ABCB6: variants seen among roughly 807,000 people sequenced by gnomAD.
ABCB6 encodes ATP binding cassette subfamily B member 6 (LAN blood group).
A neutral mutation model predicts 99.4 loss-of-function variants in ABCB6; 87 were observed. The ratio of observed to expected loss-of-function variants is 0.88; its 90% CI spans 0.74 to 1.05. The LOEUF is 1.05. Ranked by LOEUF, ABCB6 falls within the 50% of genes least tolerant of loss-of-function variation. The probability of loss-of-function intolerance (pLI) is 0.00; values close to 1 mark genes in which losing one functional copy is unlikely to be tolerated. For missense variants in ABCB6, 1,050 were observed against 1,097.9 expected (o/e 0.96, Z 0.62); for synonymous variants, 482 against 447.5 (o/e 1.08, Z -0.97).
intron 13 of ABCB6, 101 bp from the exon 14 acceptor site, chr2:219,212,592 A>C: frequency 1.2e-6 from 1 of 849,662 alleles, no homozygotes; most frequent in Non-Finnish European, 1.9e-6. Flanking sequence ...GCGCGATCTC[A>C]GCTCACTAGA....
intron 14 of ABCB6, among the ~76,000 whole-genome samples, chr2:219,212,016 G>C (rs543999576): frequency 6.6e-6 from 1 of 151,918 alleles, no homozygotes; most frequent in Non-Finnish European, 1.5e-5. Context: ...GCCCACCTCA[G>C]CCTCCCAAAG....
rs1328553588 is a variant in ABCB6, at chr2:219,218,738, C to T, written c.-65G>A. On this transcript the variant is annotated 5_prime_UTR_variant, in exon 1 of 19. Transcript: ENST00000265316. ...GGACCGGAGGCCGGGACTGGTCACTCGGAGAGGGGCGCGGACATCCGGGTG... is the reference window on the plus strand; with the variant it reads ...GGACCGGAGGCCGGGACTGGTCACTTGGAGAGGGGCGCGGACATCCGGGTG... 4.0e-5 allele frequency: 58 copies of T among 1,456,232 alleles called. No individual in the cohort carries two copies. The highest frequency in any genetic ancestry group is 5.3e-5 in the Non-Finnish European group (58 of 1,101,836). The allele number at this position is 1,456,232 out of a possible 1,614,324, so 90.2% of individuals were successfully genotyped here.
In ABCB6 at chr2:219,213,032, C is replaced by CTTGCCTGG; in HGVS notation, c.1838_1839insCCAGGCAA (p.Met614GlnfsTer39). ...CCAGGGCAAGTGTCTGTCCAGGCATCACAGTGAAAGACACGTCCTGCAGAG... is the reference window on the plus strand; with the variant it reads ...CCAGGGCAAGTGTCTGTCCAGGCATCTTGCCTGGACAGTGAAAGACACGTCCTGCAGAG... On this transcript the variant is annotated frameshift_variant, in exon 13 of 19. Transcript: ENST00000265316. LOFTEE classifies it high-confidence loss of function. 1.2e-6 allele frequency: 2 copies of CTTGCCTGG among 1,614,038 alleles called. No homozygotes were observed. The highest frequency in any genetic ancestry group is 1.7e-6 in the Non-Finnish European group (2 of 1,179,976).
At position 219,213,029 on chromosome 2, in the gene ABCB6, C is replaced by T; in HGVS notation, c.1842G>A (p.Met614Ile). Residue 614 changes from methionine (M) to isoleucine (I), a missense_variant, in exon 13 of 19, where the codon ATG (methionine) becomes ATA (isoleucine). Physicochemically the swap from Met to Ile is conservative, Grantham distance 10. Transcript: ENST00000265316. ...ETLQDVSFTVMPGQTLALVGP... is the reference protein window; with the variant it reads ...ETLQDVSFTVIPGQTLALVGP... Reference sequence around the variant, plus strand: ...TCACCAGGGCAAGTGTCTGTCCAGGCATCACAGTGAAAGACACGTCCTGCA... The same window carrying T: ...TCACCAGGGCAAGTGTCTGTCCAGGTATCACAGTGAAAGACACGTCCTGCA... 1 of 1,614,028 alleles carries T rather than the reference C, an allele frequency of 6.2e-7. No individual in the cohort carries two copies.
chr2:219,212,034 A>G (rs760479018), intron 14 of ABCB6, among the ~76,000 whole-genome samples: 10 of 152,034 alleles, frequency 6.6e-5, no homozygotes, highest in Non-Finnish European at 1.3e-4. Context: ...AAGTACTGGG[A>G]TTACAGGTGT....
chr2:219,215,112 G>C lies in ABCB6; in HGVS notation c.1155-30C>G, dbSNP rs772614624. On this transcript the variant is annotated intron_variant, in intron 5 of 18. Coordinates refer to ENST00000265316, the MANE Select transcript of ABCB6 (RefSeq NM_005689.4). ...GAGGGCAGGTCAAGTGAATAAGAAA[G>C]GTCTGGGGGCTTAGACCCAGCAACC... 5 of 1,613,584 alleles carry C rather than the reference G, an allele frequency of 3.1e-6. No homozygotes were observed. The African/African-American group carries it at 5.3e-5, about 17-fold the overall frequency.
intron 14 of ABCB6, among the ~76,000 whole-genome samples, chr2:219,212,010 A>T (rs946115052): frequency 6.6e-6 from 1 of 151,380 alleles, no homozygotes; most frequent in Non-Finnish European, 1.5e-5. Context: ...TGATCCGCCC[A>T]CCTCAGCCTC....
intron 1 of ABCB6, 122 bp from the exon 2 acceptor site, chr2:219,217,929 A>T: frequency 7.0e-7 from 1 of 1,435,056 alleles, no homozygotes; most frequent in South Asian, 1.5e-5. Flanking sequence ...TTAAAAAAAA[A>T]AAAAAAAGCA....
intron 14 of ABCB6, among the ~76,000 whole-genome samples, chr2:219,211,699 G>A (rs1054505754): frequency 6.7e-6 from 1 of 149,686 alleles, no homozygotes; most frequent in African/African-American, 2.5e-5. Context: ...GGAGTGCAGT[G>A]GCATGATCAT....
chr2:219,212,803 T>C (rs1950594646), intron 13 of ABCB6, among the ~76,000 whole-genome samples: 3 of 152,228 alleles, frequency 2.0e-5, no homozygotes, highest in African/African-American at 7.2e-5. Context: ...ATTACAGGCA[T>C]GTGCCACCGC....
chr2:219,216,457 G>C lies in ABCB6; in HGVS notation c.877C>G (p.Leu293Val), dbSNP rs13018440. Residue 293 changes from leucine to valine, a missense_variant, in exon 4 of 19, where the codon CTG becomes GTG. Coordinates refer to ENST00000265316, the MANE Select transcript of ABCB6 (RefSeq NM_005689.4). The surrounding 1 kb of genome is among the most constrained non-coding windows in gnomAD (Gnocchi z 4.2). Reference sequence around the variant, plus strand: ...GAGTTCCAAGGTGCCTTCTCAGTCAGCAAGTTCACTGTGGAGGAAACGAGT... The same window carrying C: ...GAGTTCCAAGGTGCCTTCTCAGTCACCAAGTTCACTGTGGAGGAAACGAGT... Reference protein sequence around the residue: ...PIFYRNIVNLLTEKAPWNSLA... With the variant: ...PIFYRNIVNLVTEKAPWNSLA... 6.2e-7 allele frequency: 1 copy of C among 1,613,926 alleles called. No homozygotes were observed. Among genetic ancestry groups the C allele is most frequent in the Non-Finnish European group, 8.5e-7 (1 of 1,179,918 alleles).
chr2:219,210,551 G>A, intron 16 of ABCB6, 76 bp from the exon 17 acceptor site: 1 of 1,592,256 alleles, frequency 6.3e-7, no homozygotes. Context: ...GCTGGCTGAG[G>A]CCTCAAGAAT....
intron 5 of ABCB6, 91 bp downstream of exon 5, chr2:219,215,906 T>C (rs909844340): frequency 1.5e-6 from 2 of 1,348,674 alleles, no homozygotes; most frequent in African/African-American, 1.5e-5. Flanking sequence ...CGGCAGCTTC[T>C]CAGGCGGGGT....
In ABCB6 at chr2:219,218,660, C is replaced by A. The variant is rs781766683; in HGVS notation, c.14G>T (p.Gly5Val). 6.3e-7 allele frequency: 1 copy of A among 1,579,140 alleles called. No individual in the cohort carries two copies. The highest frequency in any genetic ancestry group is 8.6e-7 in the Non-Finnish European group (1 of 1,162,584). MVTV[G>V]NYCEAEGPVG... ...GGGCCCTTCGGCCTCGCAGTAGTTG[C>A]CCACAGTCACCATGGCAATGCGTGG... Residue 5 changes from glycine to valine, a missense_variant, in exon 1 of 19, where the codon GGC becomes GTC. Coordinates refer to ENST00000265316, the MANE Select transcript of ABCB6 (RefSeq NM_005689.4).
chr2:219,218,760 G>C lies in ABCB6; in HGVS notation c.-87C>G. On this transcript the variant is annotated 5_prime_UTR_variant, in exon 1 of 19. Transcript: ENST00000265316. ...ACTCGGAGAGGGGCGCGGACATCCG[G>C]GTGCCTTGGCTCACGTAGCCGCTGG... 7.1e-7 allele frequency: 1 copy of C among 1,403,280 alleles called. No homozygotes were observed. 86.9% of individuals were successfully genotyped at this position (1,403,280 alleles called of 1,614,324 possible).
chr2:219,217,890 T>G (rs1950664770), intron 1 of ABCB6, 83 bp from the exon 2 acceptor site: 2 of 1,520,964 alleles, frequency 1.3e-6, no homozygotes, highest in Non-Finnish European at 1.8e-6. Flanking sequence ...CGGGGACTGG[T>G]GTCATGAACA....
At chr2:219,210,533 G>C in intron 16 of ABCB6, 58 bp from the exon 17 acceptor site, 1 of 1,601,064 alleles carries the variant, frequency 6.2e-7, no homozygotes, top group South Asian at 1.1e-5. Context: ...AATGGAAGGA[G>C]GCAGGCTGCT....
Position 219,213,810 on chromosome 2 carries a change from C to T in ABCB6, c.1578+16G>A. The stretch of plus-strand genomic sequence containing the variant: ...TTTCCTTGTGCCCCACTCTCTCATC[C>T]AAGATCCTGCCTCACCTGTAGCTTC... On this transcript the variant is annotated intron_variant, in intron 9 of 18. Transcript: ENST00000265316. 1 of 1,613,960 alleles carries T rather than the reference C, an allele frequency of 6.2e-7. No homozygotes were observed.
In ABCB6 at chr2:219,213,866, G is replaced by C; in HGVS notation, c.1538C>G (p.Ser513Cys). ...AGTGACAAAGTATGCGCAAAGCAGG[G>C]AGCCGGCGAGGAGCCCGAGCCCAAT... ...LVIGLGLLAGSLLCAYFVTEQ... is the reference protein window; with the variant it reads ...LVIGLGLLAGCLLCAYFVTEQ... Residue 513 changes from serine to cysteine, a missense_variant, in exon 9 of 19, where the codon TCC (serine) becomes TGC (cysteine). Coordinates refer to ENST00000265316, the MANE Select transcript of ABCB6 (RefSeq NM_005689.4). The C allele has an allele frequency of 6.2e-7, 1 of 1,614,152 alleles. No individual in the cohort carries two copies. The highest frequency in any genetic ancestry group is 8.5e-7 in the Non-Finnish European group (1 of 1,180,044).
Sources: gnomAD v4.1 joint callset for allele counts (sites outside exome capture counted in the v4.1 genomes callset) on GRCh38, gnomAD v4.1.1 for gene constraint, Gnocchi (gnomAD v3.1) non-coding constraint, MANE v1.5 for transcripts, NCBI Gene and HGNC (gene_info 2026-07-23, HGNC 2026-07-21) for gene names.